The following CAMKMT variants were observed in gnomAD, a reference collection of about 807,000 sequenced individuals.
The protein encoded by CAMKMT is calmodulin-lysine N-methyltransferase.
In CAMKMT, 53 loss-of-function variants were observed where a neutral mutation model predicts 48.0. The observed-to-expected ratio is 1.10, with a 90% CI of 0.89 to 1.39. The LOEUF (loss-of-function observed/expected upper bound fraction) is 1.39. Among genes scored for constraint, CAMKMT ranks in the 40% most tolerant of loss-of-function variants. The pLI, the probability that CAMKMT is intolerant of heterozygous loss-of-function variation, is 0.00. For missense variants in CAMKMT, 428 were observed against 402.7 expected, an observed-to-expected ratio of 1.06 and a Z score of -0.54; for synonymous variants, 165 against 152.3, an observed-to-expected ratio of 1.08 and a Z score of -0.61.
At chr2:44,414,063 T>A (rs1034559851) in intron 3 of CAMKMT, among the ~76,000 whole-genome samples, 5 of 152,206 alleles carry the variant, frequency 3.3e-5, no homozygotes, top group Non-Finnish European at 5.9e-5. Context: ...ATTGGCAGGA[T>A]AACTTGAATG....
chr2:44,436,702 G>C (rs1666281812), intron 3 of CAMKMT, among the ~76,000 whole-genome samples: 1 of 151,942 alleles, frequency 6.6e-6, no homozygotes, highest in Admixed American at 6.6e-5. Context: ...GACTGTGTCA[G>C]TAAGCCCTAT....
chr2:44,527,804 A>G (rs1253601797), intron 3 of CAMKMT, among the ~76,000 whole-genome samples: 1 of 101,428 alleles, frequency 9.9e-6, no homozygotes, highest in East Asian at 3.3e-4. Flanking sequence ...CCCATTATCA[A>G]TATACTCAAT....
intron 3 of CAMKMT, among the ~76,000 whole-genome samples, chr2:44,604,910 G>A (rs748422195): frequency 9.2e-5 from 14 of 151,996 alleles, no homozygotes; most frequent in Non-Finnish European, 1.6e-4. Context: ...GCTCACTTTC[G>A]TTAACCAACC....
rs181995373 is a variant in CAMKMT, at chr2:44,387,100, T to A, written c.312-3141T>A. Among the ~76,000 whole-genome samples, 34 of 152,302 alleles carry A rather than the reference T, an allele frequency of 2.2e-4. No individual in the cohort carries two copies. The East Asian group carries it at 3.7e-3, about 16-fold the overall frequency. On this transcript the variant is annotated intron_variant, in intron 2 of 10. Transcript: ENST00000378494. ...CTTTCTGTCTTGATGACCTGTCTAG[T>A]GCTGTCAGTGGAGTATTGAAGTCCT...
At chr2:44,410,193 G>A (rs1237638641) in intron 3 of CAMKMT, among the ~76,000 whole-genome samples, 3 of 114,228 alleles carry the variant, frequency 2.6e-5, no homozygotes, top group African/African-American at 1.3e-4. Context: ...GTAGTAATAC[G>A]TGTATCCTGA....
intron 3 of CAMKMT, chr2:44,676,889 T>C (rs892965552): frequency 2.1e-4 from 32 of 152,256 alleles, no homozygotes; most frequent in Admixed American, 2.0e-3. Flanking sequence ...AATTCTGTCT[T>C]CCTGCTTCTA....
chr2:44,656,286 A>T (rs530458900), intron 3 of CAMKMT, among the ~76,000 whole-genome samples: 3 of 152,310 alleles, frequency 2.0e-5, no homozygotes, highest in African/African-American at 7.2e-5. Flanking sequence ...GTTTTACCAA[A>T]TCATTTCTTC....
rs370256275 is a variant in CAMKMT at position 44,756,171 on chromosome 2, GCT to G, written c.762+2054_762+2055del. ...AATGGACCACAGAAGGACCATGTGG[GCT>G]TGCCAGTGAAGAGCCCAGTCCCACA... On this transcript the variant is annotated intron_variant, in intron 9 of 10. Transcript: ENST00000378494. Among the ~76,000 whole-genome samples, 699 of 152,326 alleles carry G rather than the reference GCT, an allele frequency of 4.6e-3. 7 individuals are homozygous for G. The highest frequency in any genetic ancestry group is 0.015 in the African/African-American group (612 of 41,572).
At chr2:44,362,470 C>G (rs1396776906) in intron 1 of CAMKMT, among the ~76,000 whole-genome samples, 1 of 151,618 alleles carries the variant, frequency 6.6e-6, no homozygotes, top group Non-Finnish European at 1.5e-5. Flanking sequence ...CCGCCGCTCC[C>G]CACTGCTCTT....
chr2:44,363,537 C>T (rs1171119307), intron 1 of CAMKMT, among the ~76,000 whole-genome samples: 17 of 151,910 alleles, frequency 1.1e-4, no homozygotes, highest in Non-Finnish European at 1.5e-4. Flanking sequence ...ACCACCACGC[C>T]TGGCTAATTT....
At chr2:44,575,884 T>C (rs144074129) in intron 3 of CAMKMT, among the ~76,000 whole-genome samples, 2 of 152,074 alleles carry the variant, frequency 1.3e-5, no homozygotes, top group East Asian at 3.9e-4. Context: ...TGTTAAGTGC[T>C]TGTAAAGTAT....
rs926556931 is a variant in CAMKMT at position 44,618,325 on chromosome 2, A to G, written c.377-85958A>G. 6.6e-6 allele frequency among the ~76,000 whole-genome samples: 1 copy of G among 152,202 alleles called. No individual in the cohort carries two copies. The highest frequency in any genetic ancestry group is 2.4e-5 in the African/African-American group (1 of 41,450). Reference sequence around the variant, plus strand: ...CAGAGTCATTTTACGACAGCCAGGGAGCAAAGCTCAGAGATGGATACTGAG... The same window carrying G: ...CAGAGTCATTTTACGACAGCCAGGGGGCAAAGCTCAGAGATGGATACTGAG... On this transcript the variant is annotated intron_variant, in intron 3 of 10. Transcript: ENST00000378494. The surrounding 1 kb of genome is among the most constrained non-coding windows in gnomAD (Gnocchi z 4.0).
chr2:44,381,986 G>A (rs939110433), intron 2 of CAMKMT, among the ~76,000 whole-genome samples: 30 of 139,092 alleles, frequency 2.2e-4, no homozygotes, highest in Non-Finnish European at 3.6e-4. Flanking sequence ...TTGTCACCCA[G>A]GCTGGAATGC....
At chr2:44,539,900 G>C (rs958502219) in intron 3 of CAMKMT, among the ~76,000 whole-genome samples, 4 of 152,134 alleles carry the variant, frequency 2.6e-5, no homozygotes, top group Non-Finnish European at 5.9e-5. Flanking sequence ...TGATGACAAA[G>C]GTGATGGCTT....
chr2:44,604,006 C>G (rs1207707303), intron 3 of CAMKMT, among the ~76,000 whole-genome samples: 1 of 152,112 alleles, frequency 6.6e-6, no homozygotes, highest in African/African-American at 2.4e-5. Context: ...CCTCTTTCTC[C>G]TCTTCTCACA....
chr2:44,592,051 T>A (rs1250506530), intron 3 of CAMKMT, among the ~76,000 whole-genome samples: 1 of 100,040 alleles, frequency 1.0e-5, no homozygotes, highest in Non-Finnish European at 1.9e-5. Flanking sequence ...CATCACACTC[T>A]GGGGACTGTT....
chr2:44,445,561 C>G (rs959042365), intron 3 of CAMKMT, among the ~76,000 whole-genome samples: 6 of 150,842 alleles, frequency 4.0e-5, no homozygotes, highest in African/African-American at 1.5e-4. Flanking sequence ...ACCCTCCAAA[C>G]TGGGAAAAGT....
chr2:44,582,263 TCA>T (rs746708047), intron 3 of CAMKMT, among the ~76,000 whole-genome samples: 227 of 152,326 alleles, frequency 1.5e-3, no homozygotes, highest in Non-Finnish European at 2.5e-3. Flanking sequence ...TTGACAGTGT[TCA>T]CAGTGTCATT....
At chr2:44,427,265 C>G (rs1184907410) in intron 3 of CAMKMT, among the ~76,000 whole-genome samples, 1 of 152,246 alleles carries the variant, frequency 6.6e-6, no homozygotes, top group East Asian at 1.9e-4. Context: ...TAATGTACGA[C>G]CAAGTCCTCA....
Sources: allele counts gnomAD v4.1 joint callset (sites outside exome capture counted in the v4.1 genomes callset), GRCh38; gene constraint gnomAD v4.1.1; non-coding constraint Gnocchi (gnomAD v3.1); transcripts MANE v1.5; gene names NCBI Gene and HGNC (gene_info 2026-07-23, HGNC 2026-07-21).